The following SNAP29 variants were observed in gnomAD, a reference collection of about 807,000 sequenced individuals.
The protein encoded by SNAP29 is synaptosomal-associated protein 29.
Under a neutral mutation model 27.9 loss-of-function variants are expected in SNAP29, and 13 were observed. The observed-to-expected ratio is 0.47, with a 90% CI of 0.30 to 0.74. The LOEUF is 0.74. Among genes scored for constraint, SNAP29 ranks in the 30% least tolerant of loss-of-function variants. SNAP29 has a pLI of 0.06. For missense variants in SNAP29, 368 were observed against 336.5 expected (o/e 1.09, Z -0.73); for synonymous variants, 119 against 127.1 (o/e 0.94, Z 0.43).
Position 20,887,831 on chromosome 22 carries a change from C to T in SNAP29, c.772C>T (p.Leu258Phe), listed in dbSNP as rs765701582. Reference protein sequence around the residue: ...IKSTERKVRQL With the variant: ...IKSTERKVRQF ...AAGCACAGAAAGAAAAGTTCGACAA[C>T]TCTGAAGACAGACGGATTTCCACTC... Residue 258 changes from leucine (L) to phenylalanine (F), a missense_variant, in exon 5 of 5, where the codon CTC becomes TTC. By Grantham distance (22) the Leu-to-Phe change is conservative. Transcript: ENST00000215730. 9 of 1,613,970 alleles carry T rather than the reference C, an allele frequency of 5.6e-6. No individual in the cohort carries two copies. The East Asian group carries it at 1.3e-4, about 24-fold the overall frequency.
At position 20,888,311 on chromosome 22, in the gene SNAP29, T is replaced by TCTCACACACACA. The variant is rs1363748977; in HGVS notation, c.*476_*477insTCACACACACAC. ...CACACCTTTGTTTAGGAGTCATCAT[T>TCTCACACACACA]CACACACACACACACACACACACAC... On this transcript the variant is annotated 3_prime_UTR_variant, in exon 5 of 5. Transcript: ENST00000215730. 9 of 173,886 alleles carry TCTCACACACACA rather than the reference T, an allele frequency of 5.2e-5. No homozygotes were observed. The highest frequency in any genetic ancestry group is 2.7e-4 in the African/African-American group (8 of 29,736). The allele number at this position is 173,886 out of a possible 1,614,324, so 10.8% of individuals were successfully genotyped here. A position where few individuals can be genotyped will look rare whatever the true frequency, so the allele number is the denominator to read the frequency against.
At chr22:20,860,456 G>A (rs1342150346) in intron 1 of SNAP29, among the ~76,000 whole-genome samples, 4 of 146,518 alleles carry the variant, frequency 2.7e-5, no homozygotes, top group East Asian at 2.1e-4. Context: ...TGCAACTTCC[G>A]CCTCCGGGAT....
In SNAP29 at chr22:20,870,458, T is replaced by G; in HGVS notation, c.359T>G (p.Val120Gly). 1 of 1,614,114 alleles carries G rather than the reference T, an allele frequency of 6.2e-7. No homozygotes were observed. Among genetic ancestry groups the G allele is most frequent in the Non-Finnish European group, 8.5e-7 (1 of 1,180,010 alleles). The change falls in exon 2 of 5, where the codon GTC (valine) becomes GGC (glycine). Residue 120 changes from valine (V) to glycine (G), a missense_variant. Transcript: ENST00000215730. ...ATTAAGAGCGTGTTTGGGGGGCTGG[T>G]CAATTACTTCAAATCCAAACCAGTA... The part of the protein sequence containing the change: ...NSIKSVFGGL[V>G]NYFKSKPVET...
chr22:20,886,398 G>C (rs1929016574), intron 4 of SNAP29, among the ~76,000 whole-genome samples: 1 of 151,610 alleles, frequency 6.6e-6, no homozygotes. Flanking sequence ...GCCTCTGCCT[G>C]CTGGGTTCAA....
chr22:20,879,851 TAA>T (rs361542), intron 2 of SNAP29, among the ~76,000 whole-genome samples: 29 of 98,034 alleles, frequency 3.0e-4, no homozygotes, highest in Middle Eastern at 5.3e-3. Flanking sequence ...TGAAAAAATT[TAA>T]AAAAAAAAAA....
At chr22:20,868,551 C>G (rs1389996649) in intron 1 of SNAP29, among the ~76,000 whole-genome samples, 3 of 152,138 alleles carry the variant, frequency 2.0e-5, no homozygotes, top group Non-Finnish European at 4.4e-5. Flanking sequence ...TTTTGCTCTT[C>G]AGGTTTCCAG....
Position 20,889,514 on chromosome 22 carries a change from C to T in SNAP29, c.*1678C>T, listed in dbSNP as rs1217197850. On this transcript the variant is annotated 3_prime_UTR_variant, in exon 5 of 5. Coordinates refer to ENST00000215730, the MANE Select transcript of SNAP29 (RefSeq NM_004782.4). Reference sequence around the variant, plus strand: ...ACATTTGTTTATTAGATGAGCTCGGCATTATTATTTTCTCAATAACTGGTA... The same window carrying T: ...ACATTTGTTTATTAGATGAGCTCGGTATTATTATTTTCTCAATAACTGGTA... The T allele has an allele frequency of 6.6e-6, 1 of 152,266 alleles. No homozygotes were observed. The highest frequency in any genetic ancestry group is 1.9e-4 in the East Asian group (1 of 5,192). The allele number at this position is 152,266 out of a possible 1,614,324, so 9.4% of individuals were successfully genotyped here.
Position 20,870,370 on chromosome 22 carries a change from A to C in SNAP29, c.271A>C (p.Thr91Pro), listed in dbSNP as rs762428256. 6.2e-7 allele frequency: 1 copy of C among 1,614,088 alleles called. No individual in the cohort carries two copies. The highest frequency in any genetic ancestry group is 8.5e-7 in the Non-Finnish European group (1 of 1,180,044). ...CCGTCAGCGAGGAGTCCTGGAGCGCACAGAGAAGATGGTGGACAAGATGGA... is the reference window on the plus strand; with the variant it reads ...CCGTCAGCGAGGAGTCCTGGAGCGCCCAGAGAAGATGGTGGACAAGATGGA... The part of the protein sequence containing the change: ...LARQRGVLER[T>P]EKMVDKMDQD... Residue 91 changes from threonine (T) to proline (P), a missense_variant, in exon 2 of 5, where the codon ACA becomes CCA. Transcript: ENST00000215730.
In SNAP29 at chr22:20,870,293, G is replaced by A. The variant is rs5761103; in HGVS notation, c.238-44G>A. The A allele has an allele frequency of 2.6e-3, 4,186 of 1,585,760 alleles. 117 individuals are homozygous for A. The East Asian group carries it at 0.073, about 28-fold the overall frequency. On this transcript the variant is annotated intron_variant, in intron 1 of 4. Transcript: ENST00000215730. ...TGTGGTCCTTGACTGCCCTGGGGGA[G>A]AGTCACAGAAAGCTATAATGCCACT...
At chr22:20,865,755 G>A (rs1262810974) in intron 1 of SNAP29, among the ~76,000 whole-genome samples, 6 of 152,214 alleles carry the variant, frequency 3.9e-5, no homozygotes, top group Non-Finnish European at 5.9e-5. Context: ...ATAGGGCAGC[G>A]TCCAGGGGAA....
intron 2 of SNAP29, among the ~76,000 whole-genome samples, chr22:20,873,932 ACCT>A (rs1469443929): frequency 1.7e-5 from 2 of 116,784 alleles, no homozygotes; most frequent in Admixed American, 2.3e-4. Context: ...GCACCACTGC[ACCT>A]CAGCCTGGGT....
At chr22:20,870,935 G>A (rs947447473) in intron 2 of SNAP29, 3 of 325,418 alleles carry the variant, frequency 9.2e-6, no homozygotes, top group African/African-American at 2.2e-5. Flanking sequence ...CCAGGAGCTC[G>A]AGACCAGCCT....
At chr22:20,886,634 C>G (rs1035437573) in intron 4 of SNAP29, among the ~76,000 whole-genome samples, 3 of 142,394 alleles carry the variant, frequency 2.1e-5, no homozygotes, top group African/African-American at 7.9e-5. Context: ...TTTTTTGAGA[C>G]GGAGTCTTGC....
At chr22:20,860,794 T>C (rs940399707) in intron 1 of SNAP29, among the ~76,000 whole-genome samples, 1 of 152,156 alleles carries the variant, frequency 6.6e-6, no homozygotes, top group African/African-American at 2.4e-5. Flanking sequence ...ACTTCTGTAA[T>C]CCCAACAATT....
At chr22:20,885,663 C>T (rs887954918) in intron 4 of SNAP29, among the ~76,000 whole-genome samples, 2 of 152,200 alleles carry the variant, frequency 1.3e-5, no homozygotes, top group Admixed American at 1.3e-4. Flanking sequence ...GTACTGCCCG[C>T]CACTAGGAGG....
At chr22:20,868,257 T>C (rs910310393) in intron 1 of SNAP29, among the ~76,000 whole-genome samples, 1 of 152,174 alleles carries the variant, frequency 6.6e-6, no homozygotes, top group Non-Finnish European at 1.5e-5. Flanking sequence ...AGTGACACTA[T>C]CCAGAAAACA....
In SNAP29 at chr22:20,870,577, G is replaced by A. The variant is rs370093302; in HGVS notation, c.434+44G>A. On this transcript the variant is annotated intron_variant, in intron 2 of 4. Coordinates refer to ENST00000215730, the MANE Select transcript of SNAP29 (RefSeq NM_004782.4). ...ATCTGGGTATAAAGGAGCAGAAGTG[G>A]GGATTAGTGCAAATGACCAAGACTT... The A allele has an allele frequency of 1.2e-3, 1,910 of 1,570,330 alleles. 2 individuals are homozygous for A. The highest frequency in any genetic ancestry group is 1.5e-3 in the Non-Finnish European group (1,701 of 1,147,066).
In SNAP29 at chr22:20,859,091, C is replaced by T. The variant is rs751603194; in HGVS notation, c.-20C>T. The T allele has an allele frequency of 1.3e-5, 21 of 1,575,762 alleles. No individual in the cohort carries two copies. The Admixed American group carries it at 3.4e-4, about 26-fold the overall frequency. On this transcript the variant is annotated 5_prime_UTR_variant, in exon 1 of 5. Coordinates refer to ENST00000215730, the MANE Select transcript of SNAP29 (RefSeq NM_004782.4). Reference sequence around the variant, plus strand: ...GGGGCTCCTCCTTCTGTTTCCCAGACCGAGAGCCGCGCCGGCACCATGTCA... The same window carrying T: ...GGGGCTCCTCCTTCTGTTTCCCAGATCGAGAGCCGCGCCGGCACCATGTCA...
At position 20,877,131 on chromosome 22, in the gene SNAP29, T is replaced by G. The variant is rs148353681; in HGVS notation, c.435-3918T>G. Reference sequence around the variant, plus strand: ...TCACTTTTCTCAGTCTCCCTAGAAATTGGCTTTCTTGGCTGAGCGTGGTGG... The same window carrying G: ...TCACTTTTCTCAGTCTCCCTAGAAAGTGGCTTTCTTGGCTGAGCGTGGTGG... On this transcript the variant is annotated intron_variant, in intron 2 of 4. Coordinates refer to ENST00000215730, the MANE Select transcript of SNAP29 (RefSeq NM_004782.4). 3.1e-4 allele frequency among the ~76,000 whole-genome samples: 47 copies of G among 152,312 alleles called. No individual in the cohort carries two copies. The East Asian group carries it at 3.7e-3, about 12-fold the overall frequency.
Sources: allele counts gnomAD v4.1 joint callset (sites outside exome capture counted in the v4.1 genomes callset), GRCh38; gene constraint gnomAD v4.1.1; transcripts MANE v1.5; gene names NCBI Gene and HGNC (gene_info 2026-07-23, HGNC 2026-07-21).